The following DPYD variants were observed in gnomAD, a reference collection of about 807,000 sequenced individuals.
DPYD encodes the protein dihydropyrimidine dehydrogenase.
In DPYD, 109 loss-of-function variants were observed where a neutral mutation model predicts 116.2. The observed-to-expected ratio is 0.94, with a 90% confidence interval of 0.80 to 1.10. The LOEUF is 1.10. DPYD is among the 50% of genes least tolerant of loss of function. DPYD has a pLI of 0.00. For missense variants in DPYD, 1,302 were observed against 1,254.5 expected (o/e 1.04, Z -0.57); for synonymous variants, 440 against 432.0 (o/e 1.02, Z -0.23).
At chr1:97,849,873 A>G (rs961899258) in intron 2 of DPYD, among the ~76,000 whole-genome samples, 2 of 152,180 alleles carry the variant, frequency 1.3e-5, no homozygotes, top group African/African-American at 4.8e-5. Flanking sequence ...TGAAGACATG[A>G]GTGTCTTCTA....
intron 4 of DPYD, among the ~76,000 whole-genome samples, chr1:97,732,793 A>G (rs1663702949): frequency 6.6e-6 from 1 of 152,144 alleles, no homozygotes; most frequent in Admixed American, 6.5e-5. Flanking sequence ...TAATAAATGA[A>G]TGAGTCAAGG....
intron 3 of DPYD, among the ~76,000 whole-genome samples, chr1:97,780,274 A>G (rs772465061): frequency 3.3e-5 from 5 of 152,250 alleles, no homozygotes; most frequent in East Asian, 1.9e-4. Flanking sequence ...AAACTGATGA[A>G]CAAATAAAGG....
chr1:97,637,172 A>G (rs932867038), intron 8 of DPYD, among the ~76,000 whole-genome samples: 2 of 152,268 alleles, frequency 1.3e-5, no homozygotes, highest in South Asian at 2.1e-4. Flanking sequence ...TCTCTTCAGG[A>G]GAGTTTCATG....
At chr1:97,600,046 A>AATAAAC (rs1553202566) in intron 8 of DPYD, among the ~76,000 whole-genome samples, 1 of 151,934 alleles carries the variant, frequency 6.6e-6, no homozygotes, top group East Asian at 1.9e-4. Context: ...CTCTGTCTCA[A>AATAAAC]AAAAACAAAA....
chr1:97,187,395 G>A (rs551849166), intron 20 of DPYD, among the ~76,000 whole-genome samples: 1 of 152,142 alleles, frequency 6.6e-6, no homozygotes, highest in East Asian at 1.9e-4. Flanking sequence ...GTCTGTTCAC[G>A]TCCTTTGCGT....
intron 18 of DPYD, among the ~76,000 whole-genome samples, chr1:97,268,483 C>T (rs920423410): frequency 1.4e-4 from 21 of 152,202 alleles, no homozygotes; most frequent in East Asian, 5.8e-4. Flanking sequence ...CCAGGCTAAC[C>T]GAGAGATCCT....
At chr1:97,774,214 G>T (rs1666284502) in intron 3 of DPYD, among the ~76,000 whole-genome samples, 1 of 152,158 alleles carries the variant, frequency 6.6e-6, no homozygotes, top group Admixed American at 6.5e-5. Context: ...GCTCATCCAG[G>T]ATCCTGGAAG....
At chr1:97,159,919 C>T (rs1163918336) in intron 20 of DPYD, among the ~76,000 whole-genome samples, 1 of 151,846 alleles carries the variant, frequency 6.6e-6, no homozygotes, top group African/African-American at 2.4e-5. Context: ...CCTTATCTCC[C>T]TCCTTCCTTG....
intron 14 of DPYD, among the ~76,000 whole-genome samples, chr1:97,409,852 C>T (rs577087432): frequency 3.3e-5 from 5 of 152,138 alleles, no homozygotes; most frequent in South Asian, 2.1e-4. Flanking sequence ...CTGAGGCAAG[C>T]GGATCACCTG....
intron 16 of DPYD, among the ~76,000 whole-genome samples, chr1:97,339,582 A>G (rs1337535448): frequency 2.6e-5 from 4 of 152,198 alleles, no homozygotes; most frequent in Non-Finnish European, 4.4e-5. Context: ...AGAATTCAGA[A>G]AATATGCCAC....
At chr1:97,862,508 C>T (rs781016986) in intron 2 of DPYD, among the ~76,000 whole-genome samples, 1 of 151,826 alleles carries the variant, frequency 6.6e-6, no homozygotes, top group African/African-American at 2.4e-5. Context: ...AACCTAAATT[C>T]CCTGACCAGT....
chr1:97,826,145 T>C (rs1669235026), intron 3 of DPYD, among the ~76,000 whole-genome samples: 1 of 152,070 alleles, frequency 6.6e-6, no homozygotes, highest in African/African-American at 2.4e-5. Context: ...ATAGAATGGG[T>C]GGTTGGCAAG....
chr1:97,306,269 C>A lies in DPYD; in HGVS notation c.2087G>T (p.Arg696Leu). 3 of 1,612,362 alleles carry A rather than the reference C, an allele frequency of 1.9e-6. No individual in the cohort carries two copies. The highest frequency in any genetic ancestry group is 1.1e-5 in the South Asian group (1 of 91,068). ...AATCTGAACAGCTTGCCTAACCCAG[C>A]GGCAGATGTTCCGCACCAGCTCTGG... ...QDPELVRNICRWVRQAVQIPF... is the reference protein window; with the variant it reads ...QDPELVRNICLWVRQAVQIPF... The change falls in exon 17 of 23, where the codon CGC becomes CTC. Residue 696 changes from arginine (R) to leucine (L), a missense_variant. Physicochemically the swap from Arg to Leu is moderately radical, Grantham distance 102 (BLOSUM62 -2). Coordinates refer to ENST00000370192, the MANE Select transcript of DPYD (RefSeq NM_000110.4).
At chr1:97,108,523 A>G (rs1332441698) in intron 20 of DPYD, among the ~76,000 whole-genome samples, 2 of 152,288 alleles carry the variant, frequency 1.3e-5, no homozygotes, top group African/African-American at 2.4e-5. Context: ...AGGCTATAAC[A>G]TATGGATATC....
chr1:97,236,884 T>G (rs1661969752), intron 18 of DPYD, among the ~76,000 whole-genome samples: 1 of 152,134 alleles, frequency 6.6e-6, no homozygotes, highest in Non-Finnish European at 1.5e-5. Flanking sequence ...TATCTTCCTC[T>G]CAATTTTGCT....
At chr1:97,115,744 T>A (rs1651918608) in intron 20 of DPYD, among the ~76,000 whole-genome samples, 2 of 152,156 alleles carry the variant, frequency 1.3e-5, no homozygotes, top group South Asian at 4.1e-4. Flanking sequence ...TTTTAAAATA[T>A]GAATCTCAAA....
At chr1:97,394,732 A>C (rs1672919281) in intron 14 of DPYD, among the ~76,000 whole-genome samples, 1 of 152,084 alleles carries the variant, frequency 6.6e-6, no homozygotes, top group South Asian at 2.1e-4. Context: ...ATATTGCAAT[A>C]AAATGAGGTA....
intron 15 of DPYD, among the ~76,000 whole-genome samples, chr1:97,381,946 T>C (rs560196495): frequency 4.6e-5 from 7 of 152,334 alleles, no homozygotes; most frequent in African/African-American, 1.7e-4. Context: ...CAAACTAGAA[T>C]AGTATTAAAT....
At chr1:97,385,621 C>A (rs958240279) in intron 14 of DPYD, among the ~76,000 whole-genome samples, 14 of 151,918 alleles carry the variant, frequency 9.2e-5, no homozygotes, top group Admixed American at 2.6e-4. Context: ...CATTCTCATG[C>A]AACTATGAAG....
Sources: allele counts gnomAD v4.1 joint callset (sites outside exome capture counted in the v4.1 genomes callset), GRCh38; gene constraint gnomAD v4.1.1; transcripts MANE v1.5; gene names NCBI Gene and HGNC (gene_info 2026-07-23, HGNC 2026-07-21).